The following MYO16 variants were observed in gnomAD, a reference collection of about 807,000 sequenced individuals.
The protein encoded by MYO16 is myosin XVI.
In MYO16, 94 loss-of-function variants were observed where a neutral mutation model predicts 205.3. That is an observed-to-expected ratio of 0.46 (90% CI 0.39 to 0.54). The LOEUF is 0.54. MYO16 is among the 20% of genes least tolerant of loss of function. The probability of loss-of-function intolerance (pLI) is 0.00; values close to 1 mark genes in which losing one functional copy is unlikely to be tolerated. For missense variants in MYO16, 2,315 were observed against 2,387.5 expected (o/e 0.97, Z 0.63); for synonymous variants, 988 against 954.0 (o/e 1.04, Z -0.66).
intron 14 of MYO16, among the ~76,000 whole-genome samples, chr13:108,891,214 A>C (rs111974212): frequency 6.8e-4 from 103 of 152,324 alleles, no homozygotes; most frequent in African/African-American, 2.4e-3. Flanking sequence ...GAGGCTGTAC[A>C]TTTGGCCTGT....
At position 108,957,383 on chromosome 13, in the gene MYO16, C is replaced by CAAAAAAAAA. The variant is rs33954239; in HGVS notation, c.1926-295_1926-287dup. Among the ~76,000 whole-genome samples the CAAAAAAAAA allele has an allele frequency of 2.6e-4, 25 of 96,854 alleles. 1 individual carries two copies. The highest frequency in any genetic ancestry group is 3.2e-4 in the Non-Finnish European group (17 of 52,750). 63.5% of individuals were successfully genotyped at this position (96,854 alleles called of 152,430 possible). ...GGATGACAAGAGTGAAACTCCATCT[C>CAAAAAAAAA]AAAAAAAAAAAAAAAAAACAAAAAC... On this transcript the variant is annotated intron_variant, in intron 16 of 34. Coordinates refer to ENST00000457511, the MANE Select transcript of MYO16 (RefSeq NM_001198950.3).
intron 1 of MYO16, among the ~76,000 whole-genome samples, chr13:108,651,384 A>G (rs1880996683): frequency 6.6e-6 from 1 of 152,216 alleles, no homozygotes; most frequent in Admixed American, 6.5e-5. Flanking sequence ...GAACCCTAGA[A>G]AGAATTATGA....
chr13:108,863,555 T>C lies in MYO16; in HGVS notation c.1360-2622T>C, dbSNP rs561453729. On this transcript the variant is annotated intron_variant, in intron 11 of 34. Transcript: ENST00000457511. ...CTAGAATAAAGCTATTTGAGGTGTA[T>C]TATCATTATTACTAAATTGCTGGAT... Among the ~76,000 whole-genome samples, 44 of 152,276 alleles carry C rather than the reference T, an allele frequency of 2.9e-4. No homozygotes were observed. The Middle Eastern group carries it at 0.01, about 35-fold the overall frequency.
intron 10 of MYO16, among the ~76,000 whole-genome samples, chr13:108,847,270 A>C (rs1877571568): frequency 6.6e-6 from 1 of 152,242 alleles, no homozygotes; most frequent in African/African-American, 2.4e-5. Flanking sequence ...ATAAAAAGTA[A>C]TTGTAACCAT....
At chr13:108,630,188 C>T (rs1263211827) in intron 1 of MYO16, among the ~76,000 whole-genome samples, 1 of 150,340 alleles carries the variant, frequency 6.7e-6, no homozygotes, top group East Asian at 1.9e-4. Context: ...ATTACAAAAG[C>T]ATATTTTTGC....
intron 23 of MYO16, among the ~76,000 whole-genome samples, chr13:109,041,934 G>A (rs1304749215): frequency 2.0e-5 from 3 of 150,724 alleles, no homozygotes; most frequent in Non-Finnish European, 4.4e-5. Flanking sequence ...GCGTGATCTC[G>A]GCTCACTGCA....
At chr13:108,925,905 C>G (rs1037656246) in intron 16 of MYO16, among the ~76,000 whole-genome samples, 9 of 152,176 alleles carry the variant, frequency 5.9e-5, no homozygotes, top group African/African-American at 2.2e-4. Context: ...CTTCCTGCCC[C>G]CATTAAAGGC....
chr13:108,980,527 C>T (rs1325925588), intron 20 of MYO16, among the ~76,000 whole-genome samples: 1 of 152,178 alleles, frequency 6.6e-6, no homozygotes, highest in African/African-American at 2.4e-5. Flanking sequence ...CAGAATGTCC[C>T]TTTTTGGCTC....
At chr13:108,545,742 A>G in the MYO16 span, among the ~76,000 whole-genome samples, 2 of 152,178 alleles carry the variant, frequency 1.3e-5, 1 homozygote. Flanking sequence ...TGTTAAATCA[A>G]AGGAGCAGGG....
intron 23 of MYO16, among the ~76,000 whole-genome samples, chr13:109,041,846 T>C (rs185729): frequency 0.94 from 142,712 of 151,188 alleles, 67,401 homozygotes; most frequent in East Asian, 0.99. Flanking sequence ...TCATTTATTT[T>C]GATTTTCAAA....
the MYO16 span, among the ~76,000 whole-genome samples, chr13:108,529,471 G>C: frequency 2.0e-5 from 3 of 152,018 alleles, no homozygotes; most frequent in Admixed American, 1.3e-4. Flanking sequence ...TTTTGGATTT[G>C]TGTTTTCTCT....
intron 27 of MYO16, among the ~76,000 whole-genome samples, chr13:109,077,522 A>G (rs1007690119): frequency 1.3e-5 from 2 of 152,134 alleles, no homozygotes; most frequent in Admixed American, 6.5e-5. Flanking sequence ...TTGCATGAGC[A>G]TTTACTCCTG....
the MYO16 span, among the ~76,000 whole-genome samples, chr13:108,577,303 G>A: frequency 2.0e-5 from 3 of 152,152 alleles, no homozygotes; most frequent in Admixed American, 1.3e-4. Flanking sequence ...CTGGATTCTC[G>A]AGGCAGATAG....
intron 24 of MYO16, among the ~76,000 whole-genome samples, chr13:109,047,439 A>G (rs1887083707): frequency 6.6e-6 from 1 of 152,150 alleles, no homozygotes; most frequent in Non-Finnish European, 1.5e-5. Context: ...GGAGGAGTAG[A>G]AATAGAAGGA....
At position 108,785,737 on chromosome 13, in the gene MYO16, G is replaced by A. The variant is rs1200275190; in HGVS notation, c.610G>A (p.Glu204Lys). ...SSSILLTYLD[E>K]NGVDLTSLRQ... ...CTCTATCCTGTTGACCTATCTGGAT[G>A]AAAATGGTAGGCAAAAACTTTTAAA... is the stretch of plus-strand genomic sequence containing the variant. Residue 204 changes from glutamate (E) to lysine (K), a missense_variant, in exon 5 of 35, where the codon GAA becomes AAA. This residue lies in a region of MYO16 where 1,213 missense variants were observed against 1,274.4 expected (regional missense o/e 0.95). Transcript: ENST00000457511. 1 of 1,590,680 alleles carries A rather than the reference G, an allele frequency of 6.3e-7. No individual in the cohort carries two copies. The highest frequency in any genetic ancestry group is 8.6e-7 in the Non-Finnish European group (1 of 1,165,408).
At chr13:108,743,898 C>T (rs905825595) in intron 4 of MYO16, among the ~76,000 whole-genome samples, 2 of 152,224 alleles carry the variant, frequency 1.3e-5, no homozygotes, top group Non-Finnish European at 2.9e-5. Flanking sequence ...AGGTTAAATA[C>T]TACTACATAA....
Position 108,598,425 on chromosome 13 carries a change from A to G in MYO16, c.-39+2186A>G, listed in dbSNP as rs534190634. 7.9e-5 allele frequency among the ~76,000 whole-genome samples: 12 copies of G among 152,348 alleles called. No homozygotes were observed. The South Asian group carries it at 2.5e-3, about 32-fold the overall frequency. ...GATCTGGAAGATTTTTTATTTCCAT[A>G]TTTTTAAGAATTAAATTCAAATGCA... On this transcript the variant is annotated intron_variant, in intron 1 of 24. Coordinates refer to the MYO16 transcript ENST00000251041.
At chr13:108,501,768 A>G in the MYO16 span, among the ~76,000 whole-genome samples, 4 of 152,214 alleles carry the variant, frequency 2.6e-5, no homozygotes, top group Non-Finnish European at 5.9e-5. Context: ...AGAATGTGTG[A>G]CCGACTGAGA....
chr13:109,024,109 A>C (rs374971117), intron 23 of MYO16, among the ~76,000 whole-genome samples: 1 of 148,834 alleles, frequency 6.7e-6, no homozygotes, highest in African/African-American at 2.4e-5. Context: ...AAATGTATAC[A>C]TTTTAAATAT....
Sources: gnomAD v4.1 joint callset for allele counts (sites outside exome capture counted in the v4.1 genomes callset) on GRCh38, gnomAD v4.1.1 for gene constraint, gnomAD v4.1.1 regional missense constraint, MANE v1.5 for transcripts, NCBI Gene and HGNC (gene_info 2026-07-23, HGNC 2026-07-21) for gene names.